PHTF1: variants seen among roughly 807,000 people sequenced by gnomAD.
PHTF1 encodes the protein protein PHTF1.
PHTF1 carries 88 observed loss-of-function variants against 102.4 expected under a neutral mutation model. The observed-to-expected ratio is 0.86, with a 90% CI of 0.72 to 1.03. The LOEUF (loss-of-function observed/expected upper bound fraction) is 1.03. PHTF1 is among the 50% of genes least tolerant of loss of function. The pLI is 0.00. For synonymous variants in PHTF1, 289 were observed against 305.2 expected (o/e 0.95, Z 0.55); for missense variants, 814 against 909.5 (o/e 0.89, Z 1.35).
intron 5 of PHTF1, among the ~76,000 whole-genome samples, chr1:113,728,132 C>T (rs1269402861): frequency 2.6e-5 from 4 of 152,132 alleles, no homozygotes; most frequent in Non-Finnish European, 5.9e-5. Flanking sequence ...AGCTTCTACA[C>T]AGCAAAGGAA....
chr1:113,737,996 T>G lies in PHTF1; in HGVS notation c.331+114A>C, dbSNP rs181381100. 983 of 718,632 alleles carry G rather than the reference T, an allele frequency of 1.4e-3. 3 individuals are homozygous for G. The highest frequency in any genetic ancestry group is 1.9e-3 in the Non-Finnish European group (835 of 429,084). The allele number at this position is 718,632 out of a possible 1,614,324, so 44.5% of individuals were successfully genotyped here. On this transcript the variant is annotated intron_variant, in intron 5 of 18. Coordinates refer to ENST00000369604, the MANE Select transcript of PHTF1 (RefSeq NM_001323043.2). ...AAATGGCATATGTCTCTTCATTCTG[T>G]GTACTTTAAACTGTCAAATGAAAGG...
At position 113,747,438 on chromosome 1, in the gene PHTF1, C is replaced by CAT. The variant is rs146383690; in HGVS notation, c.103-8640_103-8639insAT. Among the ~76,000 whole-genome samples, 932 of 152,272 alleles carry CAT rather than the reference C, an allele frequency of 6.1e-3. 6 individuals are homozygous for CAT. The highest frequency in any genetic ancestry group is 0.011 in the Non-Finnish European group (717 of 68,014). ...TTTTCCCCCTTCAAGAGTTCTATAT[C>CAT]AATTTTCTGTCCTCATACTCCATTC... is the stretch of plus-strand genomic sequence containing the variant. On this transcript the variant is annotated intron_variant, in intron 3 of 18. Transcript: ENST00000369604.
intron 16 of PHTF1, chr1:113,700,057 T>G: frequency 1.8e-6 from 2 of 1,124,548 alleles, no homozygotes; most frequent in Non-Finnish European, 2.2e-6. Context: ...AATTTTAATA[T>G]TACTTGCAAC....
rs1173703622 is a variant in PHTF1, at chr1:113,758,556, A to G, written c.45+103T>C. 7.7e-5 allele frequency: 42 copies of G among 545,900 alleles called. 1 individual carries two copies. The East Asian group carries it at 1.3e-3, about 17-fold the overall frequency. 33.8% of individuals were successfully genotyped at this position (545,900 alleles called of 1,614,324 possible). On this transcript the variant is annotated intron_variant, in intron 2 of 18. Coordinates refer to ENST00000369604, the MANE Select transcript of PHTF1 (RefSeq NM_001323043.2). ...CATTTATGTTGAAGTATACATGAACACCTGGCACTACTAAACTCGGGGGAA... is the reference window on the plus strand; with the variant it reads ...CATTTATGTTGAAGTATACATGAACGCCTGGCACTACTAAACTCGGGGGAA...
At chr1:113,752,773 C>G (rs1658291701) in intron 3 of PHTF1, among the ~76,000 whole-genome samples, 1 of 152,174 alleles carries the variant, frequency 6.6e-6, no homozygotes, top group Admixed American at 6.5e-5. Context: ...TCCTTTCCAT[C>G]TCAATGCCTT....
At chr1:113,707,821 T>C (rs1012187820) in intron 11 of PHTF1, among the ~76,000 whole-genome samples, 4 of 152,152 alleles carry the variant, frequency 2.6e-5, no homozygotes, top group Admixed American at 6.5e-5. Context: ...GCAAGAGTGC[T>C]TTAGGAGTAT....
chr1:113,724,215 T>C (rs1310610242), intron 7 of PHTF1, among the ~76,000 whole-genome samples: 3 of 152,090 alleles, frequency 2.0e-5, no homozygotes, highest in Non-Finnish European at 4.4e-5. Context: ...TTGGAGGTTC[T>C]TCAAATAAAG....
chr1:113,700,153 A>G (rs1571070796), intron 16 of PHTF1: 1 of 968,754 alleles, frequency 1.0e-6, no homozygotes, highest in East Asian at 1.1e-4. Flanking sequence ...TAACATCCTC[A>G]TTAAACATTT....
At chr1:113,719,939 T>C (rs2636014) in intron 7 of PHTF1, among the ~76,000 whole-genome samples, 116,519 of 151,590 alleles carry the variant, frequency 0.77, 45,739 homozygotes, top group African/African-American at 0.91. Flanking sequence ...TCTTAGATGG[T>C]GGCGGCAAGA....
Position 113,713,356 on chromosome 1 carries a change from T to G in PHTF1, c.706A>C (p.Arg236=), listed in dbSNP as rs199936728. Residue 236 remains arginine, a synonymous_variant, in exon 8 of 19, where the codon AGA becomes CGA. Transcript: ENST00000369604. ...ATTCTAATCTCTGGTCGACATTGTC[T>G]CCTCTTAATGATAGGATGGACACAA... is the stretch of plus-strand genomic sequence containing the variant. The part of the protein sequence containing the change: ...PSCVHPIIKR[R]QCRPEIRMWQ... 3.1e-6 allele frequency: 5 copies of G among 1,610,996 alleles called. No individual in the cohort carries two copies. The East Asian group carries it at 1.1e-4, about 36-fold the overall frequency.
Position 113,704,785 on chromosome 1 carries a change from C to A in PHTF1, c.1684G>T (p.Ala562Ser). The A allele has an allele frequency of 6.3e-7, 1 of 1,588,138 alleles. No individual in the cohort carries two copies. The highest frequency in any genetic ancestry group is 8.6e-7 in the Non-Finnish European group (1 of 1,161,612). The change falls in exon 14 of 19, where the codon GCA becomes TCA. Residue 562 changes from alanine (A) to serine (S), a missense_variant. Ala to Ser is a moderately conservative substitution (Grantham distance 99, BLOSUM62 1). Coordinates refer to ENST00000369604, the MANE Select transcript of PHTF1 (RefSeq NM_001323043.2). ...GAAGTAATATGGCTGAAGAGTTTTGCAAATAAAAATCTCTAGAAGAGATTT... is the reference window on the plus strand; with the variant it reads ...GAAGTAATATGGCTGAAGAGTTTTGAAAATAAAAATCTCTAGAAGAGATTT... ...ERTYKQRFLF[A>S]KLFSHITSAR...
chr1:113,710,445 G>C lies in PHTF1; in HGVS notation c.1078C>G (p.Arg360Gly). 1 of 1,613,824 alleles carries C rather than the reference G, an allele frequency of 6.2e-7. No homozygotes were observed. The highest frequency in any genetic ancestry group is 8.5e-7 in the Non-Finnish European group (1 of 1,179,928). Residue 360 changes from arginine to glycine, a missense_variant, in exon 11 of 19, where the codon CGA becomes GGA. By Grantham distance (125) the Arg-to-Gly change is moderately radical. Coordinates refer to ENST00000369604, the MANE Select transcript of PHTF1 (RefSeq NM_001323043.2). ...GSRSGVSGGS[R>G]SLNMSRRDSE... ...TCTCTTCTTGACATGTTGAGGCTTC[G>C]AGAGCCACCACTCACACCCGATCTA...
At chr1:113,723,352 A>G (rs1653306695) in intron 7 of PHTF1, among the ~76,000 whole-genome samples, 1 of 152,018 alleles carries the variant, frequency 6.6e-6, no homozygotes, top group African/African-American at 2.4e-5. Flanking sequence ...TAATTCTTGT[A>G]TTTTTAGTAG....
intron 7 of PHTF1, among the ~76,000 whole-genome samples, chr1:113,718,119 A>G (rs1652358813): frequency 6.6e-6 from 1 of 152,218 alleles, no homozygotes; most frequent in Admixed American, 6.5e-5. Flanking sequence ...AGATACAATG[A>G]GGATACAAGT....
intron 13 of PHTF1, among the ~76,000 whole-genome samples, chr1:113,705,061 T>C (rs1368662501): frequency 2.0e-5 from 3 of 152,208 alleles, no homozygotes; most frequent in East Asian, 1.9e-4. Flanking sequence ...CAAAGAATGG[T>C]TGGCATTTAT....
rs1571281536 is a variant in PHTF1 at position 113,759,211 on chromosome 1, C to T, written c.-219G>A. ...CCAGCTTCGGAGGCAGCCGGCCGCC[C>T]AGCGCCCTGAGGGCGGCAAATCGAT... On this transcript the variant is annotated 5_prime_UTR_variant, in exon 1 of 19. Transcript: ENST00000369604. 1 of 459,748 alleles carries T rather than the reference C, an allele frequency of 2.2e-6. No homozygotes were observed. The highest frequency in any genetic ancestry group is 1.5e-4 in the East Asian group (1 of 6,462). 28.5% of individuals were successfully genotyped at this position (459,748 alleles called of 1,614,324 possible).
intron 17 of PHTF1, among the ~76,000 whole-genome samples, chr1:113,698,618 T>TACACAC (rs766015256): frequency 0.01 from 1,170 of 115,766 alleles, 17 homozygotes; most frequent in African/African-American, 0.032. Flanking sequence ...TATATATATA[T>TACACAC]ATACACACAC....
rs778185417 is a variant in PHTF1 at position 113,700,795 on chromosome 1, T to C, written c.2045A>G (p.Gln682Arg). Residue 682 changes from glutamine to arginine, a missense_variant and splice_region_variant, in exon 16 of 19, where the codon CAG becomes CGG. Gln to Arg is a conservative substitution (Grantham distance 43). Transcript: ENST00000369604. ...CCAATTGACAGGACTGATCAATACC[T>C]GTTCTGTAAGTAATATTGAAACATT... Reference protein sequence around the residue: ...YSNVSILLTEQINLYLKMEKK... With the variant: ...YSNVSILLTERINLYLKMEKK... 3 of 1,613,446 alleles carry C rather than the reference T, an allele frequency of 1.9e-6. No individual in the cohort carries two copies. Among genetic ancestry groups the C allele is most frequent in the Non-Finnish European group, 2.5e-6 (3 of 1,179,438 alleles).
At chr1:113,741,103 A>G (rs1032696681) in intron 3 of PHTF1, among the ~76,000 whole-genome samples, 4 of 152,242 alleles carry the variant, frequency 2.6e-5, no homozygotes, top group Non-Finnish European at 5.9e-5. Context: ...TTAGATATTC[A>G]ATCACTAAAA....
Sources: allele counts gnomAD v4.1 joint callset (sites outside exome capture counted in the v4.1 genomes callset), GRCh38; gene constraint gnomAD v4.1.1; transcripts MANE v1.5; gene names NCBI Gene and HGNC (gene_info 2026-07-23, HGNC 2026-07-21).